CSMD2: variants seen among roughly 807,000 people sequenced by gnomAD.
CSMD2 encodes the protein CUB and sushi domain-containing protein 2.
A neutral mutation model predicts 398.5 loss-of-function variants in CSMD2; 130 were observed. The observed-to-expected ratio is 0.33, with a 90% CI of 0.28 to 0.38. The LOEUF is 0.38. CSMD2 is among the 10% of genes least tolerant of loss of function. The pLI, the probability that CSMD2 is intolerant of heterozygous loss-of-function variation, is 1.00. For missense variants in CSMD2, 3,829 were observed against 4,764.9 expected (o/e 0.80, Z 5.78); for synonymous variants, 1,828 against 1,908.5 (o/e 0.96, Z 1.10).
intron 3 of CSMD2, among the ~76,000 whole-genome samples, chr1:33,964,530 T>C (rs1022919903): frequency 6.6e-6 from 1 of 152,218 alleles, no homozygotes; most frequent in African/African-American, 2.4e-5. Context: ...TTAAGTTTTG[T>C]ATATTCCAGG....
chr1:33,725,603 G>A, intron 16 of CSMD2, 67 bp from the exon 17 acceptor site: 2 of 1,493,860 alleles, frequency 1.3e-6, no homozygotes, highest in Non-Finnish European at 1.9e-6. Flanking sequence ...ATGACATAAA[G>A]CCCTGCCTGA....
At chr1:34,010,773 C>T (rs1647242465) in intron 3 of CSMD2, among the ~76,000 whole-genome samples, 1 of 152,160 alleles carries the variant, frequency 6.6e-6, no homozygotes, top group Non-Finnish European at 1.5e-5. Flanking sequence ...CGCCTGCCAC[C>T]ACGCTAGGCT....
At chr1:34,083,945 A>C (rs895293376) in intron 2 of CSMD2, among the ~76,000 whole-genome samples, 3 of 152,038 alleles carry the variant, frequency 2.0e-5, no homozygotes, top group African/African-American at 4.8e-5. Flanking sequence ...GACTCAATAA[A>C]TATTAGCTGT....
chr1:34,130,575 T>G (rs563429885), intron 1 of CSMD2, among the ~76,000 whole-genome samples: 1 of 152,034 alleles, frequency 6.6e-6, no homozygotes, highest in South Asian at 2.1e-4. Flanking sequence ...CCGAATCAGA[T>G]CTGCATGTTT....
Position 33,521,530 on chromosome 1 carries a change from T to C in CSMD2, c.10530A>G (p.Gly3510=). The change falls in exon 68 of 71, where the codon GGA becomes GGG. Residue 3510 remains glycine (G), a synonymous_variant. Coordinates refer to ENST00000373381, the MANE Select transcript of CSMD2 (RefSeq NM_001281956.2). The stretch of plus-strand genomic sequence containing the variant: ...CAGAGCCTTGGTAGATGAAGGTGGC[T>C]CCGGAGGACTCTGACGAGACCTGTG... ...LDGHVSSESS[G]ATFIYQGSVK... is the part of the protein sequence containing the mutation. 1 of 1,612,684 alleles carries C rather than the reference T, an allele frequency of 6.2e-7. No homozygotes were observed. The highest frequency in any genetic ancestry group is 1.3e-5 in the African/African-American group (1 of 74,986).
intron 25 of CSMD2, among the ~76,000 whole-genome samples, chr1:33,688,215 G>A (rs4653344): frequency 0.15 from 23,177 of 152,160 alleles, 2,143 homozygotes; most frequent in Admixed American, 0.24. Context: ...ACATACAATA[G>A]AATTCTCTGT....
intron 67 of CSMD2, among the ~76,000 whole-genome samples, chr1:33,522,783 A>G (rs1654428965): frequency 6.6e-6 from 1 of 152,236 alleles, no homozygotes; most frequent in South Asian, 2.1e-4. Flanking sequence ...TGGCCAGAGA[A>G]GTGTCACTGG....
intron 5 of CSMD2, among the ~76,000 whole-genome samples, chr1:33,848,259 T>C (rs906404690): frequency 2.0e-5 from 3 of 152,056 alleles, no homozygotes; most frequent in African/African-American, 7.2e-5. Context: ...AGAGAGAAAA[T>C]AGTTATCTCC....
intron 4 of CSMD2, 115 bp downstream of exon 4, chr1:33,935,645 A>AC (rs1166006992): frequency 5.4e-6 from 6 of 1,116,704 alleles, no homozygotes; most frequent in Non-Finnish European, 7.5e-6. Context: ...AGACTTGGGT[A>AC]CCCCCCTCCC....
intron 13 of CSMD2, chr1:33,772,259 T>C (rs1180385568): frequency 4.1e-6 from 1 of 244,206 alleles, no homozygotes; most frequent in Non-Finnish European, 7.8e-6. Context: ...GCAGGAAATG[T>C]CTGGGTCTGA....
chr1:33,694,611 G>T (rs1367153626), intron 24 of CSMD2, among the ~76,000 whole-genome samples: 2 of 152,016 alleles, frequency 1.3e-5, no homozygotes, highest in South Asian at 4.2e-4. Context: ...TTCCCCTTCC[G>T]CCATGATTGT....
intron 3 of CSMD2, among the ~76,000 whole-genome samples, chr1:33,996,479 C>G (rs1465156547): frequency 3.9e-5 from 6 of 152,236 alleles, no homozygotes; most frequent in Non-Finnish European, 5.9e-5. Flanking sequence ...GGCAGCAAGT[C>G]CTACTCATCC....
chr1:33,677,628 A>G (rs1436473325), intron 25 of CSMD2, among the ~76,000 whole-genome samples: 1 of 152,196 alleles, frequency 6.6e-6, no homozygotes, highest in Non-Finnish European at 1.5e-5. Context: ...AAAGGATTAT[A>G]AATCATGCAG....
intron 23 of CSMD2, 115 bp from the exon 24 acceptor site, chr1:33,699,059 G>C: frequency 1.3e-6 from 1 of 782,428 alleles, no homozygotes. Flanking sequence ...CGGACCCTGG[G>C]TTCTGATGGA....
chr1:33,707,790 T>C (rs1417696011), intron 22 of CSMD2, among the ~76,000 whole-genome samples: 5 of 151,520 alleles, frequency 3.3e-5, no homozygotes, highest in Non-Finnish European at 5.9e-5. Flanking sequence ...GCCAAGAGTA[T>C]CCATCATCTG....
intron 3 of CSMD2, among the ~76,000 whole-genome samples, chr1:33,981,837 T>C (rs2147957965): frequency 6.6e-6 from 1 of 152,316 alleles, no homozygotes; most frequent in South Asian, 2.1e-4. Flanking sequence ...AGTGAGGTTC[T>C]GCTGGGATGG....
Position 33,825,710 on chromosome 1 carries a change from C to T in CSMD2, c.1098G>A (p.Gln366=), listed in dbSNP as rs1397495787. Residue 366 remains glutamine, a synonymous_variant, in exon 7 of 71, where the codon CAG becomes CAA. Coordinates refer to ENST00000373381, the MANE Select transcript of CSMD2 (RefSeq NM_001281956.2). ...VKLMPSKDNS[Q]KTSVLTQVGV... ...GCGGACACTTACACACAGACGTCTT[C>T]TGGCTGTTGTCTTTGCTGGGCATCA... 1 of 1,612,578 alleles carries T rather than the reference C, an allele frequency of 6.2e-7. No individual in the cohort carries two copies. The highest frequency in any genetic ancestry group is 1.3e-5 in the African/African-American group (1 of 74,936).
intron 29 of CSMD2, among the ~76,000 whole-genome samples, chr1:33,637,294 C>T (rs1642863016): frequency 6.6e-6 from 1 of 152,228 alleles, no homozygotes; most frequent in Admixed American, 6.5e-5. Context: ...GGGCTCTGCA[C>T]TGGGTATTGG....
intron 2 of CSMD2, among the ~76,000 whole-genome samples, chr1:34,088,122 C>G (rs577506236): frequency 6.6e-6 from 1 of 152,350 alleles, no homozygotes; most frequent in South Asian, 2.1e-4. Flanking sequence ...GCATCTTAAA[C>G]AAAGCTTTGA....
Sources: gnomAD v4.1 joint callset for allele counts (sites outside exome capture counted in the v4.1 genomes callset) on GRCh38, gnomAD v4.1.1 for gene constraint, MANE v1.5 for transcripts, NCBI Gene and HGNC (gene_info 2026-07-23, HGNC 2026-07-21) for gene names.